Variants in LRRC7 observed in about 807,000 individuals in gnomAD.
LRRC7 encodes the protein leucine-rich repeat-containing protein 7.
LRRC7 carries 23 observed loss-of-function variants against 175.7 expected under a neutral mutation model. The ratio of observed to expected loss-of-function variants is 0.13; its 90% CI spans 0.09 to 0.19. The LOEUF is 0.19. Among genes scored for constraint, LRRC7 ranks in the 10% least tolerant of loss-of-function variants. LRRC7 has a pLI of 1.00. For synonymous variants in LRRC7, 685 were observed against 680.9 expected (o/e 1.01, Z -0.09); for missense variants, 1,354 against 1,904.7 (o/e 0.71, Z 5.38).
intron 8 of LRRC7, among the ~76,000 whole-genome samples, chr1:69,976,106 A>G (rs569108422): frequency 4.6e-4 from 70 of 152,148 alleles, no homozygotes; most frequent in Non-Finnish European, 9.1e-4. Flanking sequence ...TAAGATAGTT[A>G]TCACCTGAAA....
At chr1:69,734,761 A>G (rs2100830722) in intron 2 of LRRC7, among the ~76,000 whole-genome samples, 1 of 152,012 alleles carries the variant, frequency 6.6e-6, no homozygotes, top group African/African-American at 2.4e-5. Context: ...TCTATAGGAA[A>G]TAGGAAGCAA....
rs1477543163 is a variant in LRRC7 at position 69,670,807 on chromosome 1, G to A, written c.3-7574G>A. 2.0e-5 allele frequency among the ~76,000 whole-genome samples: 3 copies of A among 152,214 alleles called. No individual in the cohort carries two copies. The South Asian group carries it at 6.2e-4, about 32-fold the overall frequency. On this transcript the variant is annotated intron_variant, in intron 1 of 26. Coordinates refer to ENST00000651989, the MANE Select transcript of LRRC7 (RefSeq NM_001370785.2). ...GGCCACCATCTCCACAGACCCATGG[G>A]GATTAGTGATAGGCTACCATCAATA...
chr1:69,692,463 C>A (rs543466135), intron 2 of LRRC7, among the ~76,000 whole-genome samples: 1 of 152,220 alleles, frequency 6.6e-6, no homozygotes, highest in Non-Finnish European at 1.5e-5. Flanking sequence ...GCTAGAAGGG[C>A]ATTTATTAGG....
At chr1:69,922,430 C>T (rs748181702) in intron 7 of LRRC7, among the ~76,000 whole-genome samples, 7 of 152,154 alleles carry the variant, frequency 4.6e-5, no homozygotes, top group African/African-American at 9.7e-5. Flanking sequence ...GCAACCTACA[C>T]GTATGATTTT....
At chr1:69,871,426 G>T (rs1048815750) in intron 7 of LRRC7, among the ~76,000 whole-genome samples, 2 of 151,982 alleles carry the variant, frequency 1.3e-5, no homozygotes. Flanking sequence ...GCAGGATTAA[G>T]TTGCACGTTT....
rs1383839456 is a variant in LRRC7 at position 70,136,463 on chromosome 1, T to G, written c.*14576T>G. ...TTAAAACAATTTGCCTTTTTCTCACTGTGCATTCAATTTAATCAACAAATG... is the reference window on the plus strand; with the variant it reads ...TTAAAACAATTTGCCTTTTTCTCACGGTGCATTCAATTTAATCAACAAATG... On this transcript the variant is annotated 3_prime_UTR_variant, in exon 27 of 27. Transcript: ENST00000651989. Among the ~76,000 whole-genome samples the G allele has an allele frequency of 6.6e-6, 1 of 152,152 alleles. No homozygotes were observed. The highest frequency in any genetic ancestry group is 6.6e-5 in the Admixed American group (1 of 15,256).
intron 1 of LRRC7, among the ~76,000 whole-genome samples, chr1:69,617,814 C>A (rs911622649): frequency 1.3e-5 from 2 of 152,056 alleles, no homozygotes; most frequent in Admixed American, 1.3e-4. Context: ...GGATCCAGGT[C>A]AACATATAGC....
At chr1:69,911,288 A>G (rs1045700179) in intron 7 of LRRC7, among the ~76,000 whole-genome samples, 4 of 152,202 alleles carry the variant, frequency 2.6e-5, no homozygotes, top group Non-Finnish European at 5.9e-5. Flanking sequence ...CATCTTCTGC[A>G]TCACTCACGC....
intron 2 of LRRC7, among the ~76,000 whole-genome samples, chr1:69,699,197 C>T (rs1403995185): frequency 6.6e-6 from 1 of 152,136 alleles, no homozygotes; most frequent in African/African-American, 2.4e-5. Flanking sequence ...AGGACTTGCC[C>T]ATCTCTGAGA....
chr1:69,821,386 T>G (rs534094193), intron 4 of LRRC7, among the ~76,000 whole-genome samples: 1 of 152,282 alleles, frequency 6.6e-6, no homozygotes, highest in South Asian at 2.1e-4. Flanking sequence ...TATTGCATTT[T>G]CCATTTCATT....
At chr1:69,988,173 T>A (rs1344549326) in intron 10 of LRRC7, among the ~76,000 whole-genome samples, 2 of 152,216 alleles carry the variant, frequency 1.3e-5, no homozygotes, top group Non-Finnish European at 2.9e-5. Context: ...AAAAACTCTA[T>A]ATATTCAAAG....
At chr1:69,881,090 C>A (rs917815873) in intron 7 of LRRC7, among the ~76,000 whole-genome samples, 5 of 152,194 alleles carry the variant, frequency 3.3e-5, no homozygotes, top group Non-Finnish European at 7.3e-5. Context: ...GTTATCACAT[C>A]ATATTTTAAT....
intron 8 of LRRC7, among the ~76,000 whole-genome samples, chr1:69,941,148 G>A (rs979770279): frequency 1.2e-4 from 19 of 152,024 alleles, no homozygotes; most frequent in Non-Finnish European, 2.5e-4. Flanking sequence ...ACAGCAAGAA[G>A]CCCAGAAGGA....
In LRRC7 at chr1:69,707,772, T is replaced by C. The variant is rs564042666; in HGVS notation, c.100+29294T>C. ...TTGGAGGTAGGTAAAGTTAGAGTCA[T>C]AGAGACTTGTGAGGAAGCAGACTCT... On this transcript the variant is annotated intron_variant, in intron 2 of 26. Coordinates refer to ENST00000651989, the MANE Select transcript of LRRC7 (RefSeq NM_001370785.2). 1.5e-4 allele frequency among the ~76,000 whole-genome samples: 23 copies of C among 152,272 alleles called. No individual in the cohort carries two copies. The South Asian group carries it at 4.6e-3, about 30-fold the overall frequency.
chr1:69,603,825 A>C (rs932200694), intron 1 of LRRC7, among the ~76,000 whole-genome samples: 14 of 152,110 alleles, frequency 9.2e-5, no homozygotes, highest in African/African-American at 3.1e-4. Context: ...ACCAGAATGT[A>C]GATGACAAGT....
At position 69,996,229 on chromosome 1, in the gene LRRC7, C is replaced by T. The variant is rs183591964; in HGVS notation, c.1004+1596C>T. ...TTGAGAAGTGTCTGTTCATGTCCTTCGCCCACTTTTTGATGGGGTTGTTTG... is the reference window on the plus strand; with the variant it reads ...TTGAGAAGTGTCTGTTCATGTCCTTTGCCCACTTTTTGATGGGGTTGTTTG... On this transcript the variant is annotated intron_variant, in intron 11 of 26. Transcript: ENST00000651989. Among the ~76,000 whole-genome samples, 981 of 151,970 alleles carry T rather than the reference C, an allele frequency of 6.5e-3. 13 individuals carry two copies. Among genetic ancestry groups the T allele is most frequent in the African/African-American group, 0.022 (917 of 41,316 alleles).
At chr1:69,630,670 A>G (rs1342178811) in intron 1 of LRRC7, among the ~76,000 whole-genome samples, 1 of 151,816 alleles carries the variant, frequency 6.6e-6, no homozygotes, top group East Asian at 1.9e-4. Flanking sequence ...TTCATTGGCT[A>G]TTTCTTTTTC....
chr1:69,678,018 T>A (rs1235474199), intron 1 of LRRC7, among the ~76,000 whole-genome samples: 1 of 152,062 alleles, frequency 6.6e-6, no homozygotes, highest in African/African-American at 2.4e-5. Flanking sequence ...GTTCCATTCA[T>A]AACCTCCTCT....
At position 70,137,941 on chromosome 1, in the gene LRRC7, G is replaced by A. The variant is rs1246601145; in HGVS notation, c.*16054G>A. Among the ~76,000 whole-genome samples the A allele has an allele frequency of 2.0e-5, 3 of 151,980 alleles. No individual in the cohort carries two copies. Among genetic ancestry groups the A allele is most frequent in the African/African-American group, 7.2e-5 (3 of 41,406 alleles). On this transcript the variant is annotated 3_prime_UTR_variant, in exon 27 of 27. Transcript: ENST00000651989. ...GCTTTATTTCCAACAAAATCCCAGAGTTTTTGCTTGCTCTTTGAGGTTAAA... is the reference window on the plus strand; with the variant it reads ...GCTTTATTTCCAACAAAATCCCAGAATTTTTGCTTGCTCTTTGAGGTTAAA...
Sources: gnomAD v4.1 joint callset for allele counts (sites outside exome capture counted in the v4.1 genomes callset) on GRCh38, gnomAD v4.1.1 for gene constraint, MANE v1.5 for transcripts, NCBI Gene and HGNC (gene_info 2026-07-23, HGNC 2026-07-21) for gene names.